Variants in TMEM94 observed in about 807,000 individuals in gnomAD.
The protein encoded by TMEM94 is ER Mg2+ ATPase.
A neutral mutation model predicts 158.6 loss-of-function variants in TMEM94; 81 were observed. The observed-to-expected ratio is 0.51, with a 90% CI of 0.43 to 0.61. The LOEUF (loss-of-function observed/expected upper bound fraction) is 0.61. TMEM94 is among the 20% of genes least tolerant of loss of function. TMEM94 has a pLI of 0.00. For missense variants in TMEM94, 1,435 were observed against 1,762.0 expected (o/e 0.81, Z 3.32); for synonymous variants, 751 against 730.7 (o/e 1.03, Z -0.45).
chr17:75,488,194 G>A, intron 6 of TMEM94, 60 bp downstream of exon 6: 1 of 1,543,288 alleles, frequency 6.5e-7, no homozygotes, highest in Non-Finnish European at 8.9e-7. Flanking sequence ...AGGCAACGAT[G>A]GGAGGGTCCC....
rs369107858 is a variant in TMEM94, at chr17:75,470,659, C to T, written c.-106-1141C>T. Among the ~76,000 whole-genome samples, 13 of 151,186 alleles carry T rather than the reference C, an allele frequency of 8.6e-5. 1 individual carries two copies. The East Asian group carries it at 9.9e-4, about 11-fold the overall frequency. ...GGTGGAGCTTGCAGTGAGCCGAGATCGCGCCACTGCACTCCAGCCTGGGCG... is the reference window on the plus strand; with the variant it reads ...GGTGGAGCTTGCAGTGAGCCGAGATTGCGCCACTGCACTCCAGCCTGGGCG... On this transcript the variant is annotated intron_variant, in intron 1 of 31. Transcript: ENST00000314256.
intron 1 of TMEM94, among the ~76,000 whole-genome samples, chr17:75,461,675 G>A (rs1250803649): frequency 2.0e-5 from 3 of 151,692 alleles, no homozygotes; most frequent in Non-Finnish European, 4.4e-5. Flanking sequence ...TGTAATCCCA[G>A]CATTTTGGGA....
intron 6 of TMEM94, 92 bp downstream of exon 6, chr17:75,488,226 C>T: frequency 7.9e-7 from 1 of 1,273,882 alleles, no homozygotes; most frequent in Non-Finnish European, 1.1e-6. Flanking sequence ...CGGAAGCTTC[C>T]CGGCCAGCTT....
intron 2 of TMEM94, among the ~76,000 whole-genome samples, chr17:75,472,342 C>T (rs1483138549): frequency 6.6e-6 from 1 of 152,210 alleles, no homozygotes; most frequent in African/African-American, 2.4e-5. Context: ...AACACAGCTG[C>T]CTAATCAGCC....
intron 6 of TMEM94, 35 bp downstream of exon 6, chr17:75,488,169 G>A (rs371322575): frequency 8.5e-5 from 136 of 1,602,682 alleles, no homozygotes; most frequent in Non-Finnish European, 7.9e-5. Context: ...TTGGAAATGC[G>A]GTGGGAACAT....
rs148064514 is a variant in TMEM94, at chr17:75,498,310, G to A, written c.3625G>A (p.Val1209Ile). 13 of 1,612,870 alleles carry A rather than the reference G, an allele frequency of 8.1e-6. No homozygotes were observed. Among genetic ancestry groups the A allele is most frequent in the African/African-American group, 2.7e-5 (2 of 74,924 alleles). The change falls in exon 28 of 32, where the codon GTC (valine) becomes ATC (isoleucine). Residue 1209 changes from valine (V) to isoleucine (I), a missense_variant. This residue lies in a region of TMEM94 where 335 missense variants were observed against 409.1 expected (regional missense o/e 0.82). Coordinates refer to ENST00000314256, the MANE Select transcript of TMEM94 (RefSeq NM_014738.6). This position sits in a 1 kb window ranked among gnomAD's most constrained non-coding sequence, Gnocchi z 6.7. ...CCGCAACCTCACCAACTGCTCCTCC[G>A]TCATGCTGCCCAGGTGGGTCCCAGC... ...RDRNLTNCSSVMLPSNDDRAP... is the reference protein window; with the variant it reads ...RDRNLTNCSSIMLPSNDDRAP...
intron 1 of TMEM94, among the ~76,000 whole-genome samples, chr17:75,468,125 C>T (rs968652310): frequency 2.8e-4 from 42 of 152,106 alleles, no homozygotes; most frequent in Admixed American, 2.4e-3. Context: ...GATTTGAACC[C>T]GGGGATATTT....
Position 75,495,686 on chromosome 17 carries a change from C to T in TMEM94, c.2944+43C>T, listed in dbSNP as rs1229197999. The stretch of plus-strand genomic sequence containing the variant: ...GGGTACTTGGGCAACCTGGTCCCGT[C>T]GGCTGAGCTCTGCCTGGGCCTGCGT... On this transcript the variant is annotated intron_variant, in intron 22 of 31. Transcript: ENST00000314256. This position sits in a 1 kb window ranked among gnomAD's most constrained non-coding sequence, Gnocchi z 5.6. The T allele has an allele frequency of 7.0e-6, 11 of 1,580,634 alleles. No individual in the cohort carries two copies. Among genetic ancestry groups the T allele is most frequent in the East Asian group, 2.2e-5 (1 of 44,712 alleles).
Position 75,486,343 on chromosome 17 carries a change from A to G in TMEM94, c.326A>G (p.Asn109Ser). Reference sequence around the variant, plus strand: ...GCCTTGTTCCTGTTACTGCTTCTCAACCTTGTGCTCATCGGGCGGCAAGAC... The same window carrying G: ...GCCTTGTTCCTGTTACTGCTTCTCAGCCTTGTGCTCATCGGGCGGCAAGAC... ...ASALFLLLLL[N>S]LVLIGRQDRL... Residue 109 changes from asparagine to serine, a missense_variant, in exon 5 of 32, where the codon AAC becomes AGC. By Grantham distance (46) the Asn-to-Ser change is conservative (BLOSUM62 1). This residue lies in a region of TMEM94 where 1,051 missense variants were observed against 1,254.4 expected (regional missense o/e 0.84). Coordinates refer to ENST00000314256, the MANE Select transcript of TMEM94 (RefSeq NM_014738.6). 1.2e-6 allele frequency: 2 copies of G among 1,614,040 alleles called. No individual in the cohort carries two copies. Among genetic ancestry groups the G allele is most frequent in the Non-Finnish European group, 1.7e-6 (2 of 1,179,972 alleles).
chr17:75,495,440 C>A lies in TMEM94; in HGVS notation c.2844+41C>A. On this transcript the variant is annotated intron_variant, in intron 21 of 31. Coordinates refer to ENST00000314256, the MANE Select transcript of TMEM94 (RefSeq NM_014738.6). The surrounding 1 kb of genome is among the most constrained non-coding windows in gnomAD (Gnocchi z 5.6). ...CTGTCTCACGTGTTCCTGTAGTGGT[C>A]CCATAGCTGGTCCAGGGGAGAGGTA... The A allele has an allele frequency of 6.3e-7, 1 of 1,592,462 alleles. No homozygotes were observed. The highest frequency in any genetic ancestry group is 8.6e-7 in the Non-Finnish European group (1 of 1,161,212).
At position 75,471,800 on chromosome 17, in the gene TMEM94, A is replaced by G. The variant is rs902988982; in HGVS notation, c.-106A>G. On this transcript the variant is annotated splice_region_variant and 5_prime_UTR_variant, in exon 2 of 32. An upstream start codon of the reference 5' UTR is lost. Transcript: ENST00000314256. ...TGATTTCTTTCTTCTTTTTCCCCAG[A>G]TGTTGTGACTGTGACAGACTCACTG... 45 of 1,098,868 alleles carry G rather than the reference A, an allele frequency of 4.1e-5. No homozygotes were observed. Among genetic ancestry groups the G allele is most frequent in the Non-Finnish European group, 4.6e-5 (33 of 724,902 alleles). The allele number at this position is 1,098,868 out of a possible 1,614,324, so 68.1% of individuals were successfully genotyped here. A position where few individuals can be genotyped will look rare whatever the true frequency, so the allele number is the denominator to read the frequency against.
chr17:75,496,794 T>C lies in TMEM94; in HGVS notation c.3308T>C (p.Leu1103Pro), dbSNP rs745660010. The C allele has an allele frequency of 6.2e-7, 1 of 1,613,840 alleles. No homozygotes were observed. The highest frequency in any genetic ancestry group is 8.5e-7 in the Non-Finnish European group (1 of 1,180,016). Reference protein sequence around the residue: ...FLFLLQCQLTLVVIQFLSCLV... With the variant: ...FLFLLQCQLTPVVIQFLSCLV... Reference sequence around the variant, plus strand: ...TTCCTGCTGCAGTGCCAGCTGACTCTTGTGGTCATCCAGGTGAGGTGGGGC... The same window carrying C: ...TTCCTGCTGCAGTGCCAGCTGACTCCTGTGGTCATCCAGGTGAGGTGGGGC... The change falls in exon 25 of 32, where the codon CTT becomes CCT. Residue 1103 changes from leucine to proline, a missense_variant. By Grantham distance (98) the Leu-to-Pro change is moderately conservative (BLOSUM62 -3). Coordinates refer to ENST00000314256, the MANE Select transcript of TMEM94 (RefSeq NM_014738.6).
chr17:75,496,107 C>T (rs2052651253), intron 23 of TMEM94, 33 bp downstream of exon 23: 1 of 1,558,316 alleles, frequency 6.4e-7, no homozygotes, highest in Non-Finnish European at 8.8e-7. Context: ...TGCGGGCCAG[C>T]CTCTACCTCC....
chr17:75,500,341 T>G lies in TMEM94; in HGVS notation c.*1007T>G, dbSNP rs1247265798. On this transcript the variant is annotated 3_prime_UTR_variant, in exon 32 of 32. Coordinates refer to ENST00000314256, the MANE Select transcript of TMEM94 (RefSeq NM_014738.6). ...AGAGCCAGGGCCTGGGCCAATGGGGTCAGGCTCTCCCTGCCCTCAGGTGGG... is the reference window on the plus strand; with the variant it reads ...AGAGCCAGGGCCTGGGCCAATGGGGGCAGGCTCTCCCTGCCCTCAGGTGGG... 1 of 151,842 alleles carries G rather than the reference T, an allele frequency of 6.6e-6. No homozygotes were observed. The highest frequency in any genetic ancestry group is 1.5e-5 in the Non-Finnish European group (1 of 68,068). 9.4% of individuals were successfully genotyped at this position (151,842 alleles called of 1,614,324 possible). A position where few individuals can be genotyped will look rare whatever the true frequency, so the allele number is the denominator to read the frequency against.
rs2146845056 is a variant in TMEM94, at chr17:75,495,752, G to C, written c.2944+109G>C. 1.8e-6 allele frequency: 2 copies of C among 1,086,080 alleles called. No individual in the cohort carries two copies. Among genetic ancestry groups the C allele is most frequent in the South Asian group, 2.8e-5 (2 of 71,470 alleles). The allele number at this position is 1,086,080 out of a possible 1,614,324, so 67.3% of individuals were successfully genotyped here. A position where few individuals can be genotyped will look rare whatever the true frequency, so the allele number is the denominator to read the frequency against. On this transcript the variant is annotated intron_variant, in intron 22 of 31. Transcript: ENST00000314256. This position sits in a 1 kb window ranked among gnomAD's most constrained non-coding sequence, Gnocchi z 5.6. The stretch of plus-strand genomic sequence containing the variant: ...GAGGGATGTAGGTTTCCCATGCAGG[G>C]AGTAAAGGAACCTGGGCTGGGATCA...
rs762291033 is a variant in TMEM94, at chr17:75,490,762, C to G, written c.1128+4C>G. 4 of 1,613,040 alleles carry G rather than the reference C, an allele frequency of 2.5e-6. No homozygotes were observed. Among genetic ancestry groups the G allele is most frequent in the Admixed American group, 1.7e-5 (1 of 60,026 alleles). On this transcript the variant is annotated splice_donor_region_variant and intron_variant, in intron 11 of 31. Transcript: ENST00000314256. The stretch of plus-strand genomic sequence containing the variant: ...TACGGAGGCTGTCTCCTCTCAGGTA[C>G]AACACTGACCCGGGATGGCTTCTCT...
In TMEM94 at chr17:75,500,336, T is replaced by C. The variant is rs911280896; in HGVS notation, c.*1002T>C. On this transcript the variant is annotated 3_prime_UTR_variant, in exon 32 of 32. Coordinates refer to ENST00000314256, the MANE Select transcript of TMEM94 (RefSeq NM_014738.6). ...GTTACAGAGCCAGGGCCTGGGCCAA[T>C]GGGGTCAGGCTCTCCCTGCCCTCAG... The C allele has an allele frequency of 6.6e-6, 1 of 151,958 alleles. No individual in the cohort carries two copies. The highest frequency in any genetic ancestry group is 2.4e-5 in the African/African-American group (1 of 41,298). The allele number at this position is 151,958 out of a possible 1,614,324, so 9.4% of individuals were successfully genotyped here. A position where few individuals can be genotyped will look rare whatever the true frequency, so the allele number is the denominator to read the frequency against.
In TMEM94 at chr17:75,492,567, A is replaced by C; in HGVS notation, c.1690A>C (p.Asn564His). 1 of 1,614,034 alleles carries C rather than the reference A, an allele frequency of 6.2e-7. No homozygotes were observed. The change falls in exon 15 of 32, where the codon AAC becomes CAC. Residue 564 changes from asparagine to histidine, a missense_variant. Around this residue, in one of 3 missense-constraint regions of TMEM94, gnomAD observed 1,051 missense variants for 1,254.4 expected, o/e 0.84. Coordinates refer to ENST00000314256, the MANE Select transcript of TMEM94 (RefSeq NM_014738.6). The surrounding 1 kb of genome is among the most constrained non-coding windows in gnomAD (Gnocchi z 4.4). ...GCTGAGCCTGTCCCAGGACCAGCAG[A>C]ACCCCTCCTGCATCCAGTTTGATGA... ...EMLSLSQDQQ[N>H]PSCIQFDDSN...
Position 75,491,822 on chromosome 17 carries a change from T to A in TMEM94, c.1518T>A (p.His506Gln). The change falls in exon 14 of 32, where the codon CAT (histidine) becomes CAA (glutamine). Residue 506 changes from histidine (H) to glutamine (Q), a missense_variant. By Grantham distance (24) the His-to-Gln change is conservative. Coordinates refer to ENST00000314256, the MANE Select transcript of TMEM94 (RefSeq NM_014738.6). The surrounding 1 kb of genome is among the most constrained non-coding windows in gnomAD (Gnocchi z 5.1). ...PPEPYSHHKAHGRSKHPSGSN... is the reference protein window; with the variant it reads ...PPEPYSHHKAQGRSKHPSGSN... ...AGCCCTATTCACACCACAAAGCGCATGGCCGCAGCAAACACCCATCTGGCT... is the reference window on the plus strand; with the variant it reads ...AGCCCTATTCACACCACAAAGCGCAAGGCCGCAGCAAACACCCATCTGGCT... The A allele has an allele frequency of 6.2e-7, 1 of 1,613,906 alleles. No individual in the cohort carries two copies. Among genetic ancestry groups the A allele is most frequent in the Non-Finnish European group, 8.5e-7 (1 of 1,179,974 alleles).
Sources: allele counts gnomAD v4.1 joint callset (sites outside exome capture counted in the v4.1 genomes callset), GRCh38; gene constraint gnomAD v4.1.1; regional missense constraint gnomAD v4.1.1; non-coding constraint Gnocchi (gnomAD v3.1); transcripts MANE v1.5; gene names NCBI Gene and HGNC (gene_info 2026-07-23, HGNC 2026-07-21).